MYO16: variants seen among roughly 807,000 people sequenced by gnomAD.
MYO16 encodes the protein unconventional myosin-XVI.
MYO16 carries 94 observed loss-of-function variants against 205.3 expected under a neutral mutation model. The ratio of observed to expected loss-of-function variants is 0.46; its 90% confidence interval spans 0.39 to 0.54. MYO16 has a LOEUF of 0.54. MYO16 is among the 20% of genes least tolerant of loss of function. The pLI is 0.00. For missense variants in MYO16, 2,315 were observed against 2,387.5 expected, an observed-to-expected ratio of 0.97 and a Z score of 0.63; for synonymous variants, 988 against 954.0, an observed-to-expected ratio of 1.04 and a Z score of -0.66.
the MYO16 span, among the ~76,000 whole-genome samples, chr13:108,545,082 G>A: frequency 1.2e-4 from 18 of 151,802 alleles, no homozygotes. Flanking sequence ...CAAGGGTTTG[G>A]TGTGCAGATT....
the MYO16 span, among the ~76,000 whole-genome samples, chr13:108,559,490 T>TTTTTTTTTTTTTTG: frequency 6.9e-6 from 1 of 145,804 alleles, no homozygotes; most frequent in African/African-American, 2.5e-5. Flanking sequence ...TTTTTTTTTT[T>TTTTTTTTTTTTTTG]TTGAGACGGA....
At chr13:108,593,978 G>C (rs7337710), upstream of MYO16, among the ~76,000 whole-genome samples, 106,185 of 151,982 alleles carry the variant, frequency 0.7, 37,568 homozygotes, top group East Asian at 0.85. Context: ...CAAACCTCAA[G>C]TCTCAGACCA....
chr13:108,535,968 CAT>C, the MYO16 span, among the ~76,000 whole-genome samples: 10 of 152,096 alleles, frequency 6.6e-5, no homozygotes, highest in Non-Finnish European at 1.3e-4. Flanking sequence ...TGGAACTCCA[CAT>C]GTTTAGCCTT....
the MYO16 span, among the ~76,000 whole-genome samples, chr13:108,500,096 C>T: frequency 6.6e-6 from 1 of 151,954 alleles, no homozygotes; most frequent in Non-Finnish European, 1.5e-5. Flanking sequence ...GTCTGCATCT[C>T]CAGTCCTGAC....
intron 5 of MYO16, among the ~76,000 whole-genome samples, chr13:108,792,803 T>C (rs1180787059): frequency 1.3e-5 from 2 of 152,156 alleles, no homozygotes; most frequent in African/African-American, 2.4e-5. Flanking sequence ...TGACCCACAG[T>C]GCCCAGCCTA....
At chr13:108,577,156 T>A in the MYO16 span, among the ~76,000 whole-genome samples, 53,367 of 152,188 alleles carry the variant, frequency 0.35, 10,667 homozygotes, top group Non-Finnish European at 0.44. Flanking sequence ...TCATTTTTTG[T>A]TTAATGCAAT....
rs537989726 is a variant in MYO16, at chr13:109,046,934, G to T, written c.2815G>T (p.Gly939Trp). 6.2e-7 allele frequency: 1 copy of T among 1,609,942 alleles called. No homozygotes were observed. Among genetic ancestry groups the T allele is most frequent in the Non-Finnish European group, 8.5e-7 (1 of 1,176,588 alleles). Residue 939 changes from glycine to tryptophan, a missense_variant, in exon 24 of 35, where the codon GGG (glycine) becomes TGG (tryptophan). Transcript: ENST00000457511. The stretch of plus-strand genomic sequence containing the variant: ...ATTCTAGGTAATGTATGATGTTGTT[G>T]GGGCGATTGAAAAAAATAAAGACTC... ...YAGRVMYDVV[G>W]AIEKNKDSLS...
chr13:108,703,954 T>C (rs1353918790), intron 2 of MYO16, among the ~76,000 whole-genome samples: 1 of 152,098 alleles, frequency 6.6e-6, no homozygotes, highest in Non-Finnish European at 1.5e-5. Flanking sequence ...ATGACTGGTG[T>C]TTTAAGAAGA....
At chr13:108,572,307 T>A in the MYO16 span, among the ~76,000 whole-genome samples, 1 of 152,200 alleles carries the variant, frequency 6.6e-6, no homozygotes, top group African/African-American at 2.4e-5. Context: ...AGGCCTATTG[T>A]CTATAGCCCT....
chr13:108,626,939 T>A (rs921235495), upstream of MYO16, among the ~76,000 whole-genome samples: 27 of 146,434 alleles, frequency 1.8e-4, no homozygotes, highest in African/African-American at 4.7e-4. Flanking sequence ...ATAATATATA[T>A]AAAAATATAT....
chr13:109,193,518 A>T (rs569002017), intron 34 of MYO16, among the ~76,000 whole-genome samples: 94 of 152,282 alleles, frequency 6.2e-4, no homozygotes, highest in Non-Finnish European at 1.2e-3. Context: ...TTCATATTTG[A>T]TTCTATTTAA....
At chr13:109,037,714 C>G (rs1886759913) in intron 23 of MYO16, among the ~76,000 whole-genome samples, 1 of 151,566 alleles carries the variant, frequency 6.6e-6, no homozygotes, top group Non-Finnish European at 1.5e-5. Flanking sequence ...GAAGAAAGAG[C>G]TAGAGAGAGA....
chr13:108,615,756 G>A (rs1879329747), intron 1 of MYO16, among the ~76,000 whole-genome samples: 1 of 152,152 alleles, frequency 6.6e-6, no homozygotes, highest in Admixed American at 6.6e-5. Context: ...GTAAATCCCA[G>A]AAACAGAAAG....
chr13:108,964,889 G>C lies in MYO16; in HGVS notation c.2356G>C (p.Asp786His), dbSNP rs1883730584. ...CATGAATTCTTGCCTCCACAGTCAA[G>C]ATGAACAGAAAAGGTAGGAGTTGAT... ...NTMNSCLHSQ[D>H]EQKSMQTLDI... Residue 786 changes from aspartate to histidine, a missense_variant, in exon 20 of 35, where the codon GAT becomes CAT. Asp to His is a moderately conservative substitution (Grantham distance 81, BLOSUM62 -1). Transcript: ENST00000457511. 3.1e-6 allele frequency: 5 copies of C among 1,607,542 alleles called. No homozygotes were observed. Among genetic ancestry groups the C allele is most frequent in the Non-Finnish European group, 3.4e-6 (4 of 1,176,398 alleles).
At chr13:108,627,755 G>T (rs1879800074), upstream of MYO16, among the ~76,000 whole-genome samples, 2 of 152,080 alleles carry the variant, frequency 1.3e-5, no homozygotes, top group South Asian at 4.1e-4. Context: ...GCCCCTCTGA[G>T]TGTTATGCTT....
chr13:108,886,201 A>T (rs1011143205), intron 13 of MYO16, among the ~76,000 whole-genome samples: 3 of 152,112 alleles, frequency 2.0e-5, no homozygotes, highest in African/African-American at 7.2e-5. Flanking sequence ...GTTAGCCAGG[A>T]TGGTCTCGAT....
the MYO16 span, among the ~76,000 whole-genome samples, chr13:108,551,448 G>T: frequency 6.6e-6 from 1 of 152,086 alleles, no homozygotes; most frequent in Non-Finnish European, 1.5e-5. Context: ...TTGTCCATTT[G>T]CCATTTCTTG....
At chr13:109,114,098 CA>C (rs1875550256) in intron 28 of MYO16, among the ~76,000 whole-genome samples, 1 of 152,162 alleles carries the variant, frequency 6.6e-6, no homozygotes, top group South Asian at 2.1e-4. Context: ...AGCAACATAG[CA>C]GCTTTGGACA....
intron 7 of MYO16, among the ~76,000 whole-genome samples, chr13:108,813,198 G>A (rs1334010859): frequency 6.6e-6 from 1 of 152,096 alleles, no homozygotes; most frequent in East Asian, 1.9e-4. Flanking sequence ...TTTATTTTGT[G>A]GTATGAGGGC....
Sources: gnomAD v4.1 joint callset for allele counts (sites outside exome capture counted in the v4.1 genomes callset) on GRCh38, gnomAD v4.1.1 for gene constraint, MANE v1.5 for transcripts, NCBI Gene and HGNC (gene_info 2026-07-23, HGNC 2026-07-21) for gene names.